The following CCNO variants were observed in gnomAD, a reference collection of about 807,000 sequenced individuals.
CCNO encodes cyclin O, also known as cyclin-O.
Under a neutral mutation model 23.9 loss-of-function variants are expected in CCNO, and 24 were observed. The ratio of observed to expected loss-of-function variants is 1.00; its 90% CI spans 0.73 to 1.41. CCNO has a LOEUF of 1.41. CCNO is among the 40% of genes most tolerant of loss of function. The pLI is 0.00. For synonymous variants in CCNO, 241 were observed against 225.7 expected (o/e 1.07, Z -0.61); for missense variants, 542 against 476.2 (o/e 1.14, Z -1.29).
In CCNO at chr5:55,231,450, T is replaced by C. The variant is rs1554019818; in HGVS notation, c.978A>G (p.Ile326Met). 6.2e-7 allele frequency: 1 copy of C among 1,614,126 alleles called. No homozygotes were observed. ...CMGKLQLLVAINSTSLTHMLP... is the reference protein window; with the variant it reads ...CMGKLQLLVAMNSTSLTHMLP... Reference sequence around the variant, plus strand: ...GCATGTGAGTCAAGGAAGTACTGTTTATGGCCACCAGCAGCTGCAACTTGC... The same window carrying C: ...GCATGTGAGTCAAGGAAGTACTGTTCATGGCCACCAGCAGCTGCAACTTGC... Residue 326 changes from isoleucine (I) to methionine (M), a missense_variant, in exon 3 of 3, where the codon ATA becomes ATG. Physicochemically the swap from Ile to Met is conservative, Grantham distance 10 (BLOSUM62 1). Coordinates refer to ENST00000282572, the MANE Select transcript of CCNO (RefSeq NM_021147.5).
In CCNO at chr5:55,231,610, T is replaced by C. The variant is rs747561652; in HGVS notation, c.818A>G (p.Tyr273Cys). Residue 273 changes from tyrosine (Y) to cysteine (C), a missense_variant, in exon 3 of 3, where the codon TAT (tyrosine) becomes TGT (cysteine). Coordinates refer to ENST00000282572, the MANE Select transcript of CCNO (RefSeq NM_021147.5). ...GGAAGGGGAGTAGCTGGTGAAGGCA[T>C]AGTCGGCCAGACTCAGCTCTGCCAC... ...RGVAELSLAD[Y>C]AFTSYSPSLL... The C allele has an allele frequency of 3.1e-6, 5 of 1,611,972 alleles. No individual in the cohort carries two copies. The highest frequency in any genetic ancestry group is 4.2e-6 in the Non-Finnish European group (5 of 1,179,468).
At position 55,231,549 on chromosome 5, in the gene CCNO, G is replaced by T. The variant is rs1332886976; in HGVS notation, c.879C>A (p.Arg293=). The T allele has an allele frequency of 1.2e-6, 2 of 1,613,506 alleles. No individual in the cohort carries two copies. Among genetic ancestry groups the T allele is most frequent in the Non-Finnish European group, 1.7e-6 (2 of 1,179,974 alleles). Residue 293 remains arginine, a synonymous_variant, in exon 3 of 3, where the codon CGC becomes CGA. Transcript: ENST00000282572. ...CCACGGGCCGCGAGACCCGCAGCAT[G>T]CGGTCCGCCAGCGCCAGGCAGCAGA... ...LAICCLALAD[R]MLRVSRPVDL...
At chr5:55,232,619 C>T in intron 1 of CCNO, 73 bp from the exon 2 acceptor site, 2 of 1,443,360 alleles carry the variant, frequency 1.4e-6, no homozygotes, top group South Asian at 1.2e-5. Context: ...GAAGGAAGGG[C>T]CAAGAAGAAT....
chr5:55,231,840 G>A lies in CCNO; in HGVS notation c.588C>T (p.Arg196=). 2 of 1,543,506 alleles carry A rather than the reference G, an allele frequency of 1.3e-6. No homozygotes were observed. The highest frequency in any genetic ancestry group is 1.7e-6 in the Non-Finnish European group (2 of 1,143,012). ...ACKQVEVHPP[R]VKQLLALCCG... is the part of the protein sequence containing the mutation. ...AGCAGAGGGCCAGAAGCTGCTTCAC[G>A]CGCGGCGGGTGCACCTCCACCTGCA... Residue 196 remains arginine, a synonymous_variant, in exon 3 of 3, where the codon CGC becomes CGT. Coordinates refer to ENST00000282572, the MANE Select transcript of CCNO (RefSeq NM_021147.5).
rs754103425 is a variant in CCNO at position 55,233,273 on chromosome 5, G to A, written c.251C>T (p.Pro84Leu). 5.0e-6 allele frequency: 8 copies of A among 1,591,010 alleles called. No homozygotes were observed. The highest frequency in any genetic ancestry group is 6.0e-6 in the Non-Finnish European group (7 of 1,171,112). The stretch of plus-strand genomic sequence containing the variant: ...CTGCGCCACGGGCTGGGCCGGGCCG[G>A]GCAGGGGGCTACCACCCCGCGCCGC... ...PSAARGGSPL[P>L]GPAQPVAQLD... Residue 84 changes from proline (P) to leucine (L), a missense_variant, in exon 1 of 3, where the codon CCC becomes CTC. Transcript: ENST00000282572.
At position 55,233,163 on chromosome 5, in the gene CCNO, C is replaced by T. The variant is rs796866090; in HGVS notation, c.361G>A (p.Ala121Thr). The change falls in exon 1 of 3, where the codon GCG becomes ACG. Residue 121 changes from alanine (A) to threonine (T), a missense_variant. Ala to Thr is a moderately conservative substitution (Grantham distance 58, BLOSUM62 0). Coordinates refer to ENST00000282572, the MANE Select transcript of CCNO (RefSeq NM_021147.5). ...AQESHFHPRE[A>T]LARQPQVTAE... is the part of the protein sequence containing the mutation. ...CTCACTTGTGGCTGCCGTGCCAGCG[C>T]CTCCCGCGGGTGGAAGTGGCTCTCC... 9.7e-6 allele frequency: 15 copies of T among 1,545,750 alleles called. No individual in the cohort carries two copies. The highest frequency in any genetic ancestry group is 5.9e-5 in the South Asian group (5 of 84,062).
chr5:55,231,614 C>A lies in CCNO; in HGVS notation c.814G>T (p.Asp272Tyr). The A allele has an allele frequency of 1.2e-6, 2 of 1,611,398 alleles. No individual in the cohort carries two copies. Among genetic ancestry groups the A allele is most frequent in the Non-Finnish European group, 8.5e-7 (1 of 1,179,184 alleles). The change falls in exon 3 of 3, where the codon GAC (aspartate) becomes TAC (tyrosine). Residue 272 changes from aspartate to tyrosine, a missense_variant. Coordinates refer to ENST00000282572, the MANE Select transcript of CCNO (RefSeq NM_021147.5). ...ARGVAELSLA[D>Y]YAFTSYSPSL... ...GGGGAGTAGCTGGTGAAGGCATAGT[C>A]GGCCAGACTCAGCTCTGCCACCCCC...
chr5:55,233,006 C>T, intron 1 of CCNO, 137 bp downstream of exon 1: 2 of 874,418 alleles, frequency 2.3e-6, no homozygotes, highest in Non-Finnish European at 3.4e-6. Context: ...CCCTCCACGG[C>T]CCCTTGTGCT....
At position 55,233,270 on chromosome 5, in the gene CCNO, C is replaced by T; in HGVS notation, c.254G>A (p.Gly85Asp). 1.3e-6 allele frequency: 2 copies of T among 1,590,342 alleles called. No homozygotes were observed. Among genetic ancestry groups the T allele is most frequent in the Middle Eastern group, 1.7e-4 (1 of 5,978 alleles). Residue 85 changes from glycine to aspartate, a missense_variant, in exon 1 of 3, where the codon GGC (glycine) becomes GAC (aspartate). Transcript: ENST00000282572. ...TAGCTGCGCCACGGGCTGGGCCGGG[C>T]CGGGCAGGGGGCTACCACCCCGCGC... is the stretch of plus-strand genomic sequence containing the variant. ...SAARGGSPLP[G>D]PAQPVAQLDL...
At chr5:55,233,055 C>T (rs1483558227) in intron 1 of CCNO, 88 bp downstream of exon 1, 7 of 1,389,392 alleles carry the variant, frequency 5.0e-6, no homozygotes, top group Non-Finnish European at 6.7e-6. Context: ...CGGGCCCGGG[C>T]GCTCGGAGGG....
At position 55,233,420 on chromosome 5, in the gene CCNO, G is replaced by A; in HGVS notation, c.104C>T (p.Pro35Leu). ...CAGCGGCTGCTTCCTCCGGAGGCGC[G>A]GACGCCTGCTCTTCTTCACCGGGGC... ...LRAPVKKSRR[P>L]RLRRKQPLHP... Residue 35 changes from proline to leucine, a missense_variant, in exon 1 of 3, where the codon CCG becomes CTG. By Grantham distance (98) the Pro-to-Leu change is moderately conservative. Coordinates refer to ENST00000282572, the MANE Select transcript of CCNO (RefSeq NM_021147.5). 1 of 1,607,918 alleles carries A rather than the reference G, an allele frequency of 6.2e-7. No individual in the cohort carries two copies. The highest frequency in any genetic ancestry group is 8.5e-7 in the Non-Finnish European group (1 of 1,178,038).
intron 1 of CCNO, 23 bp downstream of exon 1, chr5:55,233,120 A>G: frequency 6.5e-7 from 1 of 1,532,630 alleles, no homozygotes; most frequent in East Asian, 2.5e-5. Context: ...GGCGGCGTGG[A>G]GCTGGCTCTA....
rs762470252 is a variant in CCNO, at chr5:55,231,871, G to A, written c.568-11C>T. The A allele has an allele frequency of 3.3e-5, 51 of 1,525,438 alleles. No individual in the cohort carries two copies. Among genetic ancestry groups the A allele is most frequent in the Non-Finnish European group, 4.2e-5 (48 of 1,135,658 alleles). The allele number at this position is 1,525,438 out of a possible 1,614,324, so 94.5% of individuals were successfully genotyped here. On this transcript the variant is annotated splice_polypyrimidine_tract_variant and intron_variant, in intron 2 of 2. Transcript: ENST00000282572. ...CGGGTGCACCTCCACCTGCAACACA[G>A]GGCGCACTCAACCCCGCTTTGCGGC...
In CCNO at chr5:55,233,584, C is replaced by G; in HGVS notation, c.-61G>C. ...CCCGGGCTGCGGCGGGCAGCAAACG[C>G]GCACTCGAAAGTGCGAAGGAGGCCG... On this transcript the variant is annotated 5_prime_UTR_variant, in exon 1 of 3. Coordinates refer to ENST00000282572, the MANE Select transcript of CCNO (RefSeq NM_021147.5). 6.9e-7 allele frequency: 1 copy of G among 1,448,300 alleles called. No homozygotes were observed. The highest frequency in any genetic ancestry group is 9.1e-7 in the Non-Finnish European group (1 of 1,103,732). The allele number at this position is 1,448,300 out of a possible 1,614,324, so 89.7% of individuals were successfully genotyped here.
intron 2 of CCNO, among the ~76,000 whole-genome samples, chr5:55,232,096 G>A (rs998138881): frequency 3.9e-5 from 6 of 152,162 alleles, no homozygotes; most frequent in African/African-American, 1.4e-4. Flanking sequence ...CTAGACTAGA[G>A]GTGCCAAAAG....
At position 55,232,477 on chromosome 5, in the gene CCNO, A is replaced by AGG; in HGVS notation, c.449_450dup (p.Phe151ProfsTer7). ...TTCACCGTCAGGCACAGCGACTCGA[A>AGG]GGAGAGGCCGAATTGGCGGTGCACC... On this transcript the variant is annotated frameshift_variant, in exon 2 of 3. Transcript: ENST00000282572. LOFTEE classifies it high-confidence loss of function. 1 of 1,613,994 alleles carries AGG rather than the reference A, an allele frequency of 6.2e-7. No homozygotes were observed. Among genetic ancestry groups the AGG allele is most frequent in the Non-Finnish European group, 8.5e-7 (1 of 1,180,034 alleles).
At chr5:55,232,799 G>C (rs1745631296) in intron 1 of CCNO, 1 of 592,110 alleles carries the variant, frequency 1.7e-6, no homozygotes, top group African/African-American at 1.9e-5. Context: ...TCAAAGGAAG[G>C]GGAGGGGTTC....
rs1745612825 is a variant in CCNO at position 55,232,402 on chromosome 5, G to A, written c.526C>T (p.Gln176Ter). 1 of 1,613,896 alleles carries A rather than the reference G, an allele frequency of 6.2e-7. No individual in the cohort carries two copies. The highest frequency in any genetic ancestry group is 8.5e-7 in the Non-Finnish European group (1 of 1,180,044). ...AGCAAGGAGGTGACCCCAAGCAGCT[G>A]GAAGCAGTCTGCAGCCACCGGCGTG... ...TTTPVAADCF[Q>*]LLGVTSLLIA... is the part of the protein sequence containing the mutation. Residue 176 changes from glutamine (Q) to a stop codon, truncating the protein, a stop_gained, in exon 2 of 3, where the codon CAG (glutamine) becomes TAG (stop). Transcript: ENST00000282572. LOFTEE classifies it high-confidence loss of function.
Position 55,233,511 on chromosome 5 carries a change from A to AG in CCNO, c.12dup (p.Cys5LeufsTer77). ...GCGGGGCTCGAGGGGCTGGTGGGAC[A>AG]GGGGGTCACCATGATGCGGCCGGGT... is the stretch of plus-strand genomic sequence containing the variant. On this transcript the variant is annotated frameshift_variant, in exon 1 of 3. Coordinates refer to ENST00000282572, the MANE Select transcript of CCNO (RefSeq NM_021147.5). LOFTEE classifies it high-confidence loss of function. 6.3e-7 allele frequency: 1 copy of AG among 1,583,444 alleles called. No homozygotes were observed.
Sources: allele counts gnomAD v4.1 joint callset (sites outside exome capture counted in the v4.1 genomes callset), GRCh38; gene constraint gnomAD v4.1.1; transcripts MANE v1.5; gene names NCBI Gene and HGNC (gene_info 2026-07-23, HGNC 2026-07-21).